Variants in NECAB1 observed in about 807,000 individuals in gnomAD.
NECAB1 encodes the protein N-terminal EF-hand calcium-binding protein 1.
Under a neutral mutation model 57.5 loss-of-function variants are expected in NECAB1, and 29 were observed. That is an observed-to-expected ratio of 0.50 (90% CI 0.38 to 0.69). The LOEUF (loss-of-function observed/expected upper bound fraction) is 0.69. Among genes scored for constraint, NECAB1 ranks in the 30% least tolerant of loss-of-function variants. The pLI is 0.00. For missense variants in NECAB1, 372 were observed against 413.8 expected, an observed-to-expected ratio of 0.90 and a Z score of 0.88; for synonymous variants, 142 against 147.7, an observed-to-expected ratio of 0.96 and a Z score of 0.28.
chr8:90,940,846 C>G lies in NECAB1; in HGVS notation c.808C>G (p.Leu270Val), dbSNP rs780457091. ...AGAAGAGGACCTGGAAGAATTCCAG[C>G]TCGCTCTGAAACACTACGTGGAGAG... ...VIEEDLEEFQ[L>V]ALKHYVESAS... The change falls in exon 10 of 13, where the codon CTC becomes GTC. Residue 270 changes from leucine to valine, a missense_variant. Leu to Val is a conservative substitution (Grantham distance 32). Transcript: ENST00000417640. 5 of 1,564,122 alleles carry G rather than the reference C, an allele frequency of 3.2e-6. No individual in the cohort carries two copies. Among genetic ancestry groups the G allele is most frequent in the Non-Finnish European group, 4.3e-6 (5 of 1,153,918 alleles).
At chr8:90,826,813 A>C (rs1193964983) in intron 3 of NECAB1, among the ~76,000 whole-genome samples, 1 of 151,842 alleles carries the variant, frequency 6.6e-6, no homozygotes, top group Non-Finnish European at 1.5e-5. Flanking sequence ...AATTTGGATT[A>C]CTTGGCATAG....
intron 5 of NECAB1, among the ~76,000 whole-genome samples, chr8:90,899,392 TC>T (rs1809443367): frequency 6.6e-6 from 1 of 152,224 alleles, no homozygotes; most frequent in South Asian, 2.1e-4. Flanking sequence ...CTTCTCTTAC[TC>T]TCAAAGGTTT....
At position 90,957,471 on chromosome 8, in the gene NECAB1, A is replaced by T. The variant is rs901426858; in HGVS notation, c.*1959A>T. On this transcript the variant is annotated 3_prime_UTR_variant, in exon 13 of 13. Transcript: ENST00000417640. ...ATAAGCTCTATCATATTCTGAAACA[A>T]GAATTAGAATGACTTGAGAACGGGC... 1 of 151,868 alleles carries T rather than the reference A, an allele frequency of 6.6e-6. No homozygotes were observed. Among genetic ancestry groups the T allele is most frequent in the African/African-American group, 2.4e-5 (1 of 41,420 alleles). 9.4% of individuals were successfully genotyped at this position (151,868 alleles called of 1,614,324 possible). A position where few individuals can be genotyped will look rare whatever the true frequency, so the allele number is the denominator to read the frequency against.
At chr8:90,805,970 G>A (rs1391771834) in intron 2 of NECAB1, among the ~76,000 whole-genome samples, 1 of 152,024 alleles carries the variant, frequency 6.6e-6, no homozygotes, top group Non-Finnish European at 1.5e-5. Flanking sequence ...ACCCACTATT[G>A]TACTCTCTGC....
chr8:90,888,405 A>C (rs1809064256), intron 5 of NECAB1, among the ~76,000 whole-genome samples: 2 of 152,184 alleles, frequency 1.3e-5, no homozygotes. Context: ...GTTAATGCAG[A>C]CATTCATGGG....
intron 2 of NECAB1, among the ~76,000 whole-genome samples, chr8:90,802,623 G>A (rs183685460): frequency 3.9e-4 from 59 of 152,262 alleles, no homozygotes; most frequent in African/African-American, 1.3e-3. Flanking sequence ...ACAGTTTAAA[G>A]ACATATGTTG....
At chr8:90,887,187 C>T (rs967449178) in intron 5 of NECAB1, among the ~76,000 whole-genome samples, 2 of 152,184 alleles carry the variant, frequency 1.3e-5, no homozygotes, top group African/African-American at 4.8e-5. Context: ...CCCACCTAAT[C>T]TCTCTTTTAG....
chr8:90,798,210 A>G (rs1053587813), intron 1 of NECAB1, among the ~76,000 whole-genome samples: 3 of 152,214 alleles, frequency 2.0e-5, no homozygotes, highest in Non-Finnish European at 4.4e-5. Flanking sequence ...TAAGATGCCC[A>G]GTCATTGGAC....
At chr8:90,805,328 CG>C (rs1396794734) in intron 2 of NECAB1, among the ~76,000 whole-genome samples, 1 of 151,494 alleles carries the variant, frequency 6.6e-6, no homozygotes, top group Non-Finnish European at 1.5e-5. Flanking sequence ...GACAGAATAA[CG>C]AAAGGAAGAA....
intron 8 of NECAB1, 117 bp downstream of exon 8, chr8:90,928,416 A>G (rs766160652): frequency 6.9e-5 from 46 of 665,658 alleles, no homozygotes; most frequent in East Asian, 2.8e-4. Context: ...CAGGATCCCA[A>G]TGATTCTATG....
intron 1 of NECAB1, among the ~76,000 whole-genome samples, chr8:90,794,054 C>T (rs981358832): frequency 4.6e-5 from 7 of 152,166 alleles, no homozygotes; most frequent in Middle Eastern, 3.4e-3. Context: ...GAAACTGATT[C>T]CCTATGAGAG....
chr8:90,864,205 T>C (rs952484634), intron 3 of NECAB1, among the ~76,000 whole-genome samples: 1 of 151,100 alleles, frequency 6.6e-6, no homozygotes, highest in African/African-American at 2.4e-5. Context: ...GAAGCACTGC[T>C]CTGGAGAACA....
At chr8:90,921,224 C>T (rs1035016991) in intron 6 of NECAB1, among the ~76,000 whole-genome samples, 8 of 152,202 alleles carry the variant, frequency 5.3e-5, no homozygotes, top group Middle Eastern at 3.4e-3. Flanking sequence ...ACCATATTAG[C>T]CAGGCTGGAC....
At chr8:90,886,805 T>C (rs186394043) in intron 5 of NECAB1, among the ~76,000 whole-genome samples, 21 of 152,300 alleles carry the variant, frequency 1.4e-4, no homozygotes, top group Admixed American at 1.2e-3. Flanking sequence ...ATTTATAAAG[T>C]AATTTTGAGA....
At chr8:90,833,078 T>C (rs1462653386) in intron 3 of NECAB1, among the ~76,000 whole-genome samples, 2 of 152,168 alleles carry the variant, frequency 1.3e-5, no homozygotes, top group African/African-American at 4.8e-5. Context: ...GTTTTTACAG[T>C]GTGGGAGTTG....
chr8:90,868,718 A>T (rs1808564334), intron 3 of NECAB1, among the ~76,000 whole-genome samples: 2 of 152,254 alleles, frequency 1.3e-5, no homozygotes, highest in African/African-American at 4.8e-5. Flanking sequence ...ACTGAAACTT[A>T]TATTTAAAAG....
At chr8:90,815,664 C>A (rs1812051056) in intron 2 of NECAB1, among the ~76,000 whole-genome samples, 1 of 151,952 alleles carries the variant, frequency 6.6e-6, no homozygotes, top group South Asian at 2.1e-4. Flanking sequence ...CATTTTCAGA[C>A]TAGCTTCTTT....
chr8:90,930,969 G>T lies in NECAB1; in HGVS notation c.693+2670G>T, dbSNP rs1810389878. 2.6e-5 allele frequency among the ~76,000 whole-genome samples: 4 copies of T among 152,138 alleles called. No individual in the cohort carries two copies. The South Asian group carries it at 8.3e-4, about 32-fold the overall frequency. On this transcript the variant is annotated intron_variant, in intron 8 of 12. Coordinates refer to ENST00000417640, the MANE Select transcript of NECAB1 (RefSeq NM_022351.5). ...TTTTGGACAAAACTGTCTTTATTTG[G>T]TATCTGAAATTTTTATAGTTATTTT...
At chr8:90,943,494 A>G (rs1810725147) in intron 10 of NECAB1, among the ~76,000 whole-genome samples, 1 of 152,148 alleles carries the variant, frequency 6.6e-6, no homozygotes. Flanking sequence ...TCTACATTCA[A>G]TTTTTCAGTT....
Sources: allele counts gnomAD v4.1 joint callset (sites outside exome capture counted in the v4.1 genomes callset), GRCh38; gene constraint gnomAD v4.1.1; transcripts MANE v1.5; gene names NCBI Gene and HGNC (gene_info 2026-07-23, HGNC 2026-07-21).